The following LMTK2 variants were observed in gnomAD, a reference collection of about 807,000 sequenced individuals.
LMTK2 encodes serine/threonine-protein kinase LMTK2.
A neutral mutation model predicts 127.5 loss-of-function variants in LMTK2; 37 were observed. The observed-to-expected ratio is 0.29, with a 90% CI of 0.22 to 0.38. The LOEUF is 0.38. Among genes scored for constraint, LMTK2 ranks in the 10% least tolerant of loss-of-function variants. LMTK2 has a pLI of 1.00. For synonymous variants in LMTK2, 819 were observed against 810.1 expected, an observed-to-expected ratio of 1.01 and a Z score of -0.19; for missense variants, 1,694 against 1,920.3, an observed-to-expected ratio of 0.88 and a Z score of 2.20.
Position 98,193,199 on chromosome 7 carries a change from G to T in LMTK2, c.2734G>T (p.Val912Leu). Residue 912 changes from valine (V) to leucine (L), a missense_variant, in exon 11 of 14, where the codon GTG becomes TTG. This residue lies in a region of LMTK2 where 527 missense variants were observed against 539.8 expected (regional missense o/e 0.98). Transcript: ENST00000297293. This position sits in a 1 kb window ranked among gnomAD's most constrained non-coding sequence, Gnocchi z 4.1. Reference protein sequence around the residue: ...VLADDILASRVSVGSSLPELG... With the variant: ...VLADDILASRLSVGSSLPELG... ...TGCTGATGACATCCTTGCCAGCAGG[G>T]TGAGTGTAGGGAGTAGTCTCCCGGA... 6.2e-7 allele frequency: 1 copy of T among 1,613,766 alleles called. No homozygotes were observed. Among genetic ancestry groups the T allele is most frequent in the Non-Finnish European group, 8.5e-7 (1 of 1,180,000 alleles).
intron 1 of LMTK2, among the ~76,000 whole-genome samples, chr7:98,128,353 G>A (rs1796473244): frequency 6.6e-6 from 1 of 152,104 alleles, no homozygotes. Context: ...CACACACAGA[G>A]ACACCAGGGA....
chr7:98,159,933 T>C (rs1414378037), intron 6 of LMTK2, among the ~76,000 whole-genome samples: 1 of 152,256 alleles, frequency 6.6e-6, no homozygotes, highest in African/African-American at 2.4e-5. Flanking sequence ...TAGATTTATT[T>C]TCTTAAAAAC....
At chr7:98,124,632 A>G (rs1034190480) in intron 1 of LMTK2, among the ~76,000 whole-genome samples, 1 of 152,200 alleles carries the variant, frequency 6.6e-6, no homozygotes, top group Non-Finnish European at 1.5e-5. Context: ...CAAAAAATTA[A>G]AAAATTATCT....
chr7:98,189,606 G>A (rs10277717), intron 9 of LMTK2, among the ~76,000 whole-genome samples: 8,827 of 152,232 alleles, frequency 0.058, 657 homozygotes, highest in East Asian at 0.36. Flanking sequence ...TCACGTTCGG[G>A]AACATTGCAG....
chr7:98,130,497 G>T (rs1290329342), intron 1 of LMTK2, among the ~76,000 whole-genome samples: 2 of 152,112 alleles, frequency 1.3e-5, no homozygotes, highest in Non-Finnish European at 2.9e-5. Flanking sequence ...GGGTTGGATG[G>T]TGTTCCCCCT....
Position 98,206,250 on chromosome 7 carries a change from A to G in LMTK2, c.*758A>G, listed in dbSNP as rs1797795963. The G allele has an allele frequency of 6.6e-6, 1 of 152,264 alleles. No individual in the cohort carries two copies. Among genetic ancestry groups the G allele is most frequent in the African/African-American group, 2.4e-5 (1 of 41,464 alleles). 9.4% of individuals were successfully genotyped at this position (152,264 alleles called of 1,614,324 possible). On this transcript the variant is annotated 3_prime_UTR_variant, in exon 14 of 14. Coordinates refer to ENST00000297293, the MANE Select transcript of LMTK2 (RefSeq NM_014916.4). Reference sequence around the variant, plus strand: ...TAGGAAATATTTTCATTGAGTCCAAAATACCACTGTTTTGTTGATGGACTT... The same window carrying G: ...TAGGAAATATTTTCATTGAGTCCAAGATACCACTGTTTTGTTGATGGACTT...
intron 1 of LMTK2, 59 bp from the exon 2 acceptor site, chr7:98,137,252 TTCAC>T: frequency 6.7e-7 from 1 of 1,484,722 alleles, no homozygotes; most frequent in Admixed American, 2.0e-5. Flanking sequence ...AATATATTGA[TTCAC>T]TAATTAAAGT....
Position 98,115,670 on chromosome 7 carries a change from G to A in LMTK2, c.103+8390G>A, listed in dbSNP as rs558382417. On this transcript the variant is annotated intron_variant, in intron 1 of 13. Transcript: ENST00000297293. ...TAAAAAGTCAGCTGAGTGTGGTGGC[G>A]GGCACTTATAGTCCCAGCTACTCAG... is the stretch of plus-strand genomic sequence containing the variant. Among the ~76,000 whole-genome samples the A allele has an allele frequency of 3.3e-5, 5 of 151,692 alleles. No homozygotes were observed. In the East Asian group the frequency reaches 5.9e-4, roughly 18 times the overall value.
chr7:98,190,999 C>A, intron 10 of LMTK2, 122 bp downstream of exon 10: 1 of 959,014 alleles, frequency 1.0e-6, no homozygotes, highest in African/African-American at 1.6e-5. Context: ...ATGATGTCAC[C>A]ATGAGCTGAA....
chr7:98,196,917 T>C (rs1797629790), intron 11 of LMTK2, among the ~76,000 whole-genome samples: 1 of 152,248 alleles, frequency 6.6e-6, no homozygotes, highest in Non-Finnish European at 1.5e-5. Flanking sequence ...CGTTTGCTTA[T>C]GCGTCTCATG....
intron 7 of LMTK2, among the ~76,000 whole-genome samples, chr7:98,184,446 G>C (rs1797402465): frequency 6.6e-6 from 1 of 152,006 alleles, no homozygotes; most frequent in Non-Finnish European, 1.5e-5. Flanking sequence ...AACGGGTTGG[G>C]GGTATGTGTG....
chr7:98,133,509 A>G (rs1462000791), intron 1 of LMTK2, among the ~76,000 whole-genome samples: 1 of 151,390 alleles, frequency 6.6e-6, no homozygotes, highest in Admixed American at 6.6e-5. Context: ...TGCTAAATAG[A>G]GTTTTTTTTT....
chr7:98,153,154 A>G (rs1273623100), intron 4 of LMTK2, among the ~76,000 whole-genome samples: 1 of 152,208 alleles, frequency 6.6e-6, no homozygotes, highest in African/African-American at 2.4e-5. Flanking sequence ...CTGGAAATGC[A>G]GAGCAAGAGT....
At chr7:98,144,694 G>A (rs1164112938) in intron 3 of LMTK2, among the ~76,000 whole-genome samples, 1 of 150,624 alleles carries the variant, frequency 6.6e-6, no homozygotes, top group African/African-American at 2.4e-5. Context: ...TTAGAGGAAG[G>A]TAAGTACAGA....
At chr7:98,142,262 G>A (rs966816637) in intron 3 of LMTK2, among the ~76,000 whole-genome samples, 8 of 152,154 alleles carry the variant, frequency 5.3e-5, no homozygotes, top group Admixed American at 3.3e-4. Context: ...TGTGACACAC[G>A]CTGTGGGCTC....
At position 98,106,918 on chromosome 7, in the gene LMTK2, C is replaced by G. The variant is rs1796113781; in HGVS notation, c.-260C>G. On this transcript the variant is annotated 5_prime_UTR_variant, in exon 1 of 14. Transcript: ENST00000297293. The stretch of plus-strand genomic sequence containing the variant: ...AGCGCGGCTTCCCAGGCCCGCCGCT[C>G]CGCAGGGCTGCTGGCGTTGCTGCTG... 2 of 452,990 alleles carry G rather than the reference C, an allele frequency of 4.4e-6. No homozygotes were observed. Among genetic ancestry groups the G allele is most frequent in the East Asian group, 7.1e-5 (2 of 28,136 alleles). 28.1% of individuals were successfully genotyped at this position (452,990 alleles called of 1,614,324 possible).
At chr7:98,123,979 GTC>G (rs1344219482) in intron 1 of LMTK2, among the ~76,000 whole-genome samples, 1 of 151,960 alleles carries the variant, frequency 6.6e-6, no homozygotes, top group African/African-American at 2.4e-5. Flanking sequence ...TGAGTATACT[GTC>G]TCTTGTTATT....
At chr7:98,131,595 G>T (rs964266800) in intron 1 of LMTK2, among the ~76,000 whole-genome samples, 1 of 151,928 alleles carries the variant, frequency 6.6e-6, no homozygotes, top group Admixed American at 6.6e-5. Flanking sequence ...GTGGTGATGT[G>T]TTTTTCTGTC....
At chr7:98,180,783 T>C (rs1033721875) in intron 7 of LMTK2, among the ~76,000 whole-genome samples, 2 of 152,230 alleles carry the variant, frequency 1.3e-5, no homozygotes, top group Non-Finnish European at 2.9e-5. Context: ...ATTACTAGAC[T>C]ATTACTCAAG....
Sources: gnomAD v4.1 joint callset for allele counts (sites outside exome capture counted in the v4.1 genomes callset) on GRCh38, gnomAD v4.1.1 for gene constraint, gnomAD v4.1.1 regional missense constraint, Gnocchi (gnomAD v3.1) non-coding constraint, MANE v1.5 for transcripts, NCBI Gene and HGNC (gene_info 2026-07-23, HGNC 2026-07-21) for gene names.